The following GALNTL6 variants were observed in gnomAD, a reference collection of about 807,000 sequenced individuals.
The protein encoded by GALNTL6 is polypeptide N-acetylgalactosaminyltransferase like 6, also known as polypeptide N-acetylgalactosaminyltransferase-like 6.
A neutral mutation model predicts 73.7 loss-of-function variants in GALNTL6; 46 were observed. That is an observed-to-expected ratio of 0.62 (90% CI 0.49 to 0.80). The LOEUF (loss-of-function observed/expected upper bound fraction) is 0.80, where lower values mean the gene tolerates loss of function less well. Ranked by LOEUF, GALNTL6 falls within the 30% of genes least tolerant of loss-of-function variation. The pLI, the probability that GALNTL6 is intolerant of heterozygous loss-of-function variation, is 0.00. For synonymous variants in GALNTL6, 259 were observed against 263.7 expected (o/e 0.98, Z 0.17); for missense variants, 604 against 755.0 (o/e 0.80, Z 2.34).
At chr4:172,777,781 A>G (rs1328679194) in intron 5 of GALNTL6, among the ~76,000 whole-genome samples, 2 of 152,128 alleles carry the variant, frequency 1.3e-5, no homozygotes, top group East Asian at 3.9e-4. Flanking sequence ...CATTTAACAT[A>G]TCTATTTACA....
intron 3 of GALNTL6, among the ~76,000 whole-genome samples, chr4:172,277,299 A>G (rs948230434): frequency 2.0e-5 from 3 of 151,822 alleles, no homozygotes; most frequent in African/African-American, 7.3e-5. Context: ...GGGAGTTTCT[A>G]TGACATCCTG....
At chr4:172,700,005 C>T (rs561915104) in intron 5 of GALNTL6, among the ~76,000 whole-genome samples, 1 of 151,928 alleles carries the variant, frequency 6.6e-6, no homozygotes, top group African/African-American at 2.4e-5. Flanking sequence ...CAAATGATAC[C>T]AAGAAACTTC....
chr4:172,162,404 A>G (rs1734498961), intron 2 of GALNTL6, among the ~76,000 whole-genome samples: 3 of 151,998 alleles, frequency 2.0e-5, no homozygotes. Context: ...CATTAATGTA[A>G]GGAGGATATT....
intron 2 of GALNTL6, among the ~76,000 whole-genome samples, chr4:172,025,613 G>A (rs1318447917): frequency 5.3e-5 from 8 of 152,026 alleles, no homozygotes; most frequent in Non-Finnish European, 2.9e-5. Context: ...TTTTTAACAT[G>A]GAGTTTGAAA....
chr4:172,558,892 C>A (rs7670726), intron 5 of GALNTL6, among the ~76,000 whole-genome samples: 1 of 151,750 alleles, frequency 6.6e-6, no homozygotes. Flanking sequence ...TTGGGGAAAA[C>A]CCTGGGATGG....
chr4:172,424,910 T>TTTCTGTCATCTCAAA (rs1561077112), intron 5 of GALNTL6, among the ~76,000 whole-genome samples: 1 of 151,552 alleles, frequency 6.6e-6, no homozygotes, highest in Admixed American at 6.6e-5. Context: ...TAGAAAACTA[T>TTTCTGTCATCTCAAA]GCAAGTTTGT....
At chr4:172,347,262 T>C (rs1253454845) in intron 4 of GALNTL6, among the ~76,000 whole-genome samples, 3 of 152,166 alleles carry the variant, frequency 2.0e-5, no homozygotes, top group Non-Finnish European at 4.4e-5. Flanking sequence ...AGTGCCGGGA[T>C]TGCAGCCATG....
intron 5 of GALNTL6, among the ~76,000 whole-genome samples, chr4:172,801,691 T>C (rs954874298): frequency 2.5e-4 from 38 of 152,214 alleles, no homozygotes; most frequent in Non-Finnish European, 3.5e-4. Flanking sequence ...GATGAAGACT[T>C]GGTGTTTTGT....
At chr4:171,930,601 G>A (rs768843919) in intron 2 of GALNTL6, among the ~76,000 whole-genome samples, 14 of 152,090 alleles carry the variant, frequency 9.2e-5, no homozygotes, top group Admixed American at 6.5e-4. Context: ...TTGGGAGGCC[G>A]AGGTGGGCAG....
At chr4:171,875,914 T>C (rs1456158207) in intron 2 of GALNTL6, among the ~76,000 whole-genome samples, 2 of 151,840 alleles carry the variant, frequency 1.3e-5, no homozygotes, top group Admixed American at 6.6e-5. Context: ...AAAAACCATG[T>C]TGTATATTTG....
At chr4:172,059,867 G>A (rs1487732678) in intron 2 of GALNTL6, among the ~76,000 whole-genome samples, 1 of 152,078 alleles carries the variant, frequency 6.6e-6, no homozygotes, top group Non-Finnish European at 1.5e-5. Context: ...TCTCTCCGAG[G>A]TTTAAAATCA....
chr4:172,609,601 T>TTC (rs71592087), intron 5 of GALNTL6, among the ~76,000 whole-genome samples: 57 of 113,896 alleles, frequency 5.0e-4, no homozygotes, highest in African/African-American at 1.5e-3. Flanking sequence ...GCCTGAAGTT[T>TTC]TCTCTCTCTC....
chr4:172,264,555 AATAT>A (rs201920170), intron 3 of GALNTL6, among the ~76,000 whole-genome samples: 1,520 of 103,628 alleles, frequency 0.015, 45 homozygotes, highest in African/African-American at 0.043. Flanking sequence ...ATATATGCCA[AATAT>A]ATATATATAT....
chr4:172,136,645 ATTTAG>A (rs1733645188), intron 2 of GALNTL6, among the ~76,000 whole-genome samples: 1 of 151,756 alleles, frequency 6.6e-6, no homozygotes, highest in Admixed American at 6.6e-5. Flanking sequence ...GAAAATGTTA[ATTTAG>A]TTTATTTTAT....
chr4:172,086,351 C>T (rs1367797696), intron 2 of GALNTL6, among the ~76,000 whole-genome samples: 1 of 151,934 alleles, frequency 6.6e-6, no homozygotes, highest in Non-Finnish European at 1.5e-5. Flanking sequence ...TCACTAACTT[C>T]CTCTATGATC....
intron 5 of GALNTL6, among the ~76,000 whole-genome samples, chr4:172,758,599 A>G (rs745911849): frequency 3.9e-5 from 6 of 152,226 alleles, no homozygotes; most frequent in Non-Finnish European, 5.9e-5. Context: ...CAGTATATCT[A>G]AATTTGTTGC....
At position 172,031,111 on chromosome 4, in the gene GALNTL6, G is replaced by A. The variant is rs979528569; in HGVS notation, c.139-198545G>A. Reference sequence around the variant, plus strand: ...CTTCCAAGACTCTGATTCTTTTTATGATCCCAGCCATGTATCATGATGACA... The same window carrying A: ...CTTCCAAGACTCTGATTCTTTTTATAATCCCAGCCATGTATCATGATGACA... On this transcript the variant is annotated intron_variant, in intron 2 of 12. Coordinates refer to ENST00000506823, the MANE Select transcript of GALNTL6 (RefSeq NM_001034845.3). Among the ~76,000 whole-genome samples the A allele has an allele frequency of 5.9e-5, 9 of 152,134 alleles. No homozygotes were observed. In the East Asian group the frequency reaches 1.7e-3, roughly 30 times the overall value.
At chr4:172,341,014 T>C (rs1000061906) in intron 4 of GALNTL6, among the ~76,000 whole-genome samples, 1 of 152,164 alleles carries the variant, frequency 6.6e-6, no homozygotes, top group African/African-American at 2.4e-5. Flanking sequence ...TCCATTTTCT[T>C]ATCTTAGGGA....
At chr4:171,995,935 A>C (rs1740473324) in intron 2 of GALNTL6, among the ~76,000 whole-genome samples, 1 of 152,062 alleles carries the variant, frequency 6.6e-6, no homozygotes, top group Non-Finnish European at 1.5e-5. Context: ...CATTGTACAG[A>C]ATAAAGAGCC....
Sources: gnomAD v4.1 joint callset for allele counts (sites outside exome capture counted in the v4.1 genomes callset) on GRCh38, gnomAD v4.1.1 for gene constraint, MANE v1.5 for transcripts, NCBI Gene and HGNC (gene_info 2026-07-23, HGNC 2026-07-21) for gene names.